Variants in FRMD4A observed in about 807,000 individuals in gnomAD.
The protein encoded by FRMD4A is FERM domain containing 4A.
A neutral mutation model predicts 129.1 loss-of-function variants in FRMD4A; 29 were observed. The ratio of observed to expected loss-of-function variants is 0.22; its 90% CI spans 0.17 to 0.31. The LOEUF (loss-of-function observed/expected upper bound fraction) is 0.31. FRMD4A is among the 10% of genes least tolerant of loss of function. The pLI is 1.00. For missense variants in FRMD4A, 1,272 were observed against 1,375.8 expected, an observed-to-expected ratio of 0.92 and a Z score of 1.19; for synonymous variants, 634 against 571.6, an observed-to-expected ratio of 1.11 and a Z score of -1.56.
chr10:13,897,719 C>T (rs1288539116), intron 2 of FRMD4A, among the ~76,000 whole-genome samples: 1 of 151,998 alleles, frequency 6.6e-6, no homozygotes, highest in East Asian at 1.9e-4. Context: ...GGTGGATCAC[C>T]TGAGGCCAGG....
At chr10:13,666,010 C>T (rs1407796586) in intron 18 of FRMD4A, 87 bp downstream of exon 18, 11 of 769,432 alleles carry the variant, frequency 1.4e-5, no homozygotes, top group African/African-American at 6.9e-5. Context: ...CTGCTCAGGT[C>T]GTGCAGGGAC....
chr10:14,282,967 T>C (rs1215342388), intron 2 of FRMD4A, among the ~76,000 whole-genome samples: 2 of 152,222 alleles, frequency 1.3e-5, no homozygotes, highest in African/African-American at 4.8e-5. Context: ...TCCTAGGATT[T>C]GCCATATTAT....
At chr10:14,193,476 A>ACC (rs1842381377) in intron 2 of FRMD4A, among the ~76,000 whole-genome samples, 1 of 92,414 alleles carries the variant, frequency 1.1e-5, no homozygotes, top group Non-Finnish European at 2.5e-5. Context: ...CCACCCACCC[A>ACC]CACACACACA....
rs1425286589 is a variant in FRMD4A at position 13,735,032 on chromosome 10, G to A, written c.759+2812C>T. 3.9e-5 allele frequency among the ~76,000 whole-genome samples: 6 copies of A among 152,100 alleles called. No individual in the cohort carries two copies. In the East Asian group the frequency reaches 7.7e-4, roughly 20 times the overall value. On this transcript the variant is annotated intron_variant, in intron 12 of 24. Coordinates refer to ENST00000357447, the MANE Select transcript of FRMD4A (RefSeq NM_018027.5). The stretch of plus-strand genomic sequence containing the variant: ...GGGATTACAGGCATGTGCCACCATG[G>A]CCAGCTAATTTTGTATTTTTAGTAG...
chr10:14,016,185 G>C (rs2095698575), intron 2 of FRMD4A, among the ~76,000 whole-genome samples: 1 of 152,252 alleles, frequency 6.6e-6, no homozygotes, highest in Non-Finnish European at 1.5e-5. Flanking sequence ...AGGGCAGGGA[G>C]GAAAACGCAG....
chr10:14,307,327 C>A (rs1308633238), intron 2 of FRMD4A, among the ~76,000 whole-genome samples: 1 of 152,170 alleles, frequency 6.6e-6, no homozygotes, highest in African/African-American at 2.4e-5. Context: ...GGGAGAATGT[C>A]CACAAGTGAG....
chr10:13,819,722 G>A (rs11258645), intron 3 of FRMD4A, among the ~76,000 whole-genome samples: 4 of 142,612 alleles, frequency 2.8e-5, no homozygotes, highest in South Asian at 4.4e-4. Context: ...TTTTTTCTGA[G>A]ATGGGGTCTG....
At chr10:13,836,755 CTT>C (rs35995042) in intron 3 of FRMD4A, among the ~76,000 whole-genome samples, 3,759 of 109,924 alleles carry the variant, frequency 0.034, 50 homozygotes, top group Middle Eastern at 0.078. Context: ...CTCAGTGGTT[CTT>C]TTTTTTTTTT....
intron 4 of FRMD4A, among the ~76,000 whole-genome samples, chr10:13,809,764 G>C (rs2093415335): frequency 6.6e-6 from 1 of 152,194 alleles, no homozygotes; most frequent in Admixed American, 6.5e-5. Flanking sequence ...TGATTTACAG[G>C]GTGACCAGAT....
chr10:14,306,069 C>T (rs1846340786), intron 2 of FRMD4A, among the ~76,000 whole-genome samples: 1 of 152,112 alleles, frequency 6.6e-6, no homozygotes, highest in Non-Finnish European at 1.5e-5. Context: ...TGCAGCAAAG[C>T]ACCACGGCAC....
At chr10:14,231,499 C>T (rs28887574) in intron 2 of FRMD4A, among the ~76,000 whole-genome samples, 11,762 of 152,176 alleles carry the variant, frequency 0.077, 497 homozygotes, top group Middle Eastern at 0.12. Context: ...CTCACCACCA[C>T]GCCCGGCTAA....
chr10:14,153,802 C>T (rs1393835323), intron 2 of FRMD4A, among the ~76,000 whole-genome samples: 1 of 152,180 alleles, frequency 6.6e-6, no homozygotes, highest in African/African-American at 2.4e-5. Flanking sequence ...TAAGACAGAA[C>T]CTTCTCTTTC....
intron 2 of FRMD4A, among the ~76,000 whole-genome samples, chr10:14,110,125 T>TA (rs1554761010): frequency 0.026 from 2,285 of 89,498 alleles, 65 homozygotes; most frequent in African/African-American, 0.04. Flanking sequence ...CGAGATGCTG[T>TA]AAAAAAAAAA....
intron 9 of FRMD4A, among the ~76,000 whole-genome samples, chr10:13,746,642 C>T (rs1378788128): frequency 6.6e-6 from 1 of 152,198 alleles, no homozygotes. Flanking sequence ...TCATCAAAAG[C>T]ACTTACACAA....
At chr10:14,014,232 G>C (rs1047040942) in intron 2 of FRMD4A, among the ~76,000 whole-genome samples, 1 of 152,022 alleles carries the variant, frequency 6.6e-6, no homozygotes, top group African/African-American at 2.4e-5. Flanking sequence ...AAGAGAAGAG[G>C]AGCAATAGGA....
In FRMD4A at chr10:13,757,084, TGTTA is replaced by T. The variant is rs535741150; in HGVS notation, c.464+4559_464+4562del. Among the ~76,000 whole-genome samples the T allele has an allele frequency of 2.6e-4, 40 of 152,360 alleles. No homozygotes were observed. In the South Asian group the frequency reaches 4.3e-3, roughly 17 times the overall value. ...GTATGTAAGAATCATAGATAATGTC[TGTTA>T]GTTAGTTGGCCAATGGTCAACAGCG... On this transcript the variant is annotated intron_variant, in intron 8 of 24. Transcript: ENST00000357447.
chr10:13,870,847 A>T (rs1234762497), intron 2 of FRMD4A: 1 of 152,278 alleles, frequency 6.6e-6, no homozygotes, highest in Non-Finnish European at 1.5e-5. Context: ...TTCAACGTTC[A>T]GTTATTGAGT....
intron 2 of FRMD4A, among the ~76,000 whole-genome samples, chr10:14,264,308 G>A (rs1032648016): frequency 6.6e-6 from 1 of 152,160 alleles, no homozygotes; most frequent in South Asian, 2.1e-4. Flanking sequence ...GTTCCCCATT[G>A]ATACAAGCAG....
chr10:14,253,418 T>C (rs970190491), intron 2 of FRMD4A, among the ~76,000 whole-genome samples: 7 of 152,248 alleles, frequency 4.6e-5, no homozygotes, highest in African/African-American at 1.7e-4. Context: ...GTGTAATTGC[T>C]ATAGCAAGTG....
Sources: allele counts gnomAD v4.1 joint callset (sites outside exome capture counted in the v4.1 genomes callset), GRCh38; gene constraint gnomAD v4.1.1; transcripts MANE v1.5; gene names NCBI Gene and HGNC (gene_info 2026-07-23, HGNC 2026-07-21).